Variants in GPC4 observed in about 807,000 individuals in gnomAD.
GPC4 encodes the protein glypican-4.
Under a neutral mutation model 35.0 loss-of-function variants are expected in GPC4, and 10 were observed. The ratio of observed to expected loss-of-function variants is 0.29; its 90% CI spans 0.18 to 0.48. GPC4 has a LOEUF of 0.48. Among genes scored for constraint, GPC4 ranks in the 20% least tolerant of loss-of-function variants. The pLI is 0.99. For missense variants in GPC4, 322 were observed against 451.3 expected (o/e 0.71, Z 2.60); for synonymous variants, 167 against 170.2 (o/e 0.98, Z 0.15).
At chrX:133,411,508 T>C (rs1028514052) in intron 1 of GPC4, among the ~76,000 whole-genome samples, 3 of 112,031 alleles carry the variant, frequency 2.7e-5, no homozygotes, top group Non-Finnish European at 5.6e-5. Context: ...TCTATAGTAT[T>C]AGAGTCCTAA....
intron 1 of GPC4, among the ~76,000 whole-genome samples, chrX:133,382,375 A>G (rs376755661): frequency 0.015 from 979 of 64,473 alleles, no homozygotes; most frequent in Middle Eastern, 0.1. Flanking sequence ...GCAGTGAGCT[A>G]AGATCGTGCC....
intron 6 of GPC4, 126 bp downstream of exon 6, chrX:133,305,646 C>T: frequency 1.1e-6 from 1 of 880,409 alleles, no homozygotes; most frequent in Non-Finnish European, 1.6e-6. Context: ...ACATCCACAT[C>T]CTATTTGCTT....
At chrX:133,386,954 T>C (rs747172181) in intron 1 of GPC4, among the ~76,000 whole-genome samples, 2 of 111,432 alleles carry the variant, frequency 1.8e-5, no homozygotes, top group African/African-American at 6.5e-5. Context: ...CCATAGTCCC[T>C]CCCTCTGAGT....
chrX:133,387,153 A>G (rs754910838), intron 1 of GPC4, among the ~76,000 whole-genome samples: 3 of 112,316 alleles, frequency 2.7e-5, no homozygotes, highest in Non-Finnish European at 5.6e-5. Context: ...ACTTGGCTAT[A>G]GCATATCAGC....
At chrX:133,408,298 G>GT (rs937062686) in intron 1 of GPC4, among the ~76,000 whole-genome samples, 6 of 112,197 alleles carry the variant, frequency 5.3e-5, no homozygotes, top group Non-Finnish European at 9.4e-5. Flanking sequence ...ATAAACTTGA[G>GT]TTTTTTTATG....
chrX:133,385,969 G>C (rs751205606), intron 1 of GPC4, among the ~76,000 whole-genome samples: 1 of 109,869 alleles, frequency 9.1e-6, no homozygotes, highest in South Asian at 4.0e-4. Flanking sequence ...CTATGTGGGG[G>C]CCTAGGGAGG....
intron 3 of GPC4, among the ~76,000 whole-genome samples, chrX:133,316,312 C>T (rs1396344718): frequency 1.8e-5 from 2 of 111,879 alleles, no homozygotes; most frequent in Admixed American, 9.5e-5. Flanking sequence ...TTAAGGGACT[C>T]ACACAAGGTC....
At chrX:133,361,870 A>G (rs1341920945) in intron 1 of GPC4, among the ~76,000 whole-genome samples, 2 of 111,617 alleles carry the variant, frequency 1.8e-5, no homozygotes, top group Non-Finnish European at 3.8e-5. Flanking sequence ...TGAGTAAGAA[A>G]AAAACTCCAA....
At chrX:133,405,499 A>C (rs1327406179) in intron 1 of GPC4, among the ~76,000 whole-genome samples, 1 of 112,183 alleles carries the variant, frequency 8.9e-6, no homozygotes, top group Non-Finnish European at 1.9e-5. Flanking sequence ...AGTGCCCTCG[A>C]TGATTATGGT....
chrX:133,407,119 C>T (rs1006486689), intron 1 of GPC4, among the ~76,000 whole-genome samples: 1 of 110,582 alleles, frequency 9.0e-6, no homozygotes, highest in Non-Finnish European at 1.9e-5. Flanking sequence ...TTCATCCATC[C>T]ATCCATCCAT....
At chrX:133,329,403 A>T (rs763055584) in intron 2 of GPC4, among the ~76,000 whole-genome samples, 5 of 112,001 alleles carry the variant, frequency 4.5e-5, no homozygotes, top group Non-Finnish European at 9.4e-5. Flanking sequence ...AACATTATCC[A>T]TCTGAGGGGA....
chrX:133,406,492 G>A (rs768274656), intron 1 of GPC4, among the ~76,000 whole-genome samples: 7 of 112,125 alleles, frequency 6.2e-5, no homozygotes, highest in African/African-American at 2.3e-4. Flanking sequence ...GCTCACGCCT[G>A]TAATCCCAGC....
At chrX:133,305,203 T>C (rs2068285602) in intron 6 of GPC4, among the ~76,000 whole-genome samples, 1 of 111,840 alleles carries the variant, frequency 8.9e-6, no homozygotes. Context: ...GCATGTATAT[T>C]ATGCACTCTG....
At chrX:133,414,687 T>C (rs145353971) in intron 1 of GPC4, 119 bp downstream of exon 1, 1 of 1,149,908 alleles carries the variant, frequency 8.7e-7, no homozygotes, top group Non-Finnish European at 1.2e-6. Context: ...CGACTGCCCA[T>C]TTCTCCCTCT....
chrX:133,304,677 A>T, intron 7 of GPC4, 48 bp downstream of exon 7: 1 of 1,196,618 alleles, frequency 8.4e-7, no homozygotes, highest in Non-Finnish European at 1.1e-6. Context: ...AAGGTCACCC[A>T]GGCATCTAGG....
intron 1 of GPC4, among the ~76,000 whole-genome samples, chrX:133,344,191 GTTTTTTTTTTTTTTTTTT>G (rs747976050): frequency 5.1e-5 from 2 of 38,883 alleles, no homozygotes; most frequent in Non-Finnish European, 1.0e-4. Flanking sequence ...TTTCTTTCTG[GTTTTTTTTTTTTTTTTTT>G]TTTTTTTTTT....
chrX:133,322,538 C>T (rs1454595817), intron 3 of GPC4, among the ~76,000 whole-genome samples: 4 of 96,510 alleles, frequency 4.1e-5, no homozygotes, highest in African/African-American at 1.7e-4. Context: ...CAAGCCTGGG[C>T]GACAGAGTGA....
At chrX:133,413,713 C>A (rs1184023815) in intron 1 of GPC4, among the ~76,000 whole-genome samples, 1 of 111,775 alleles carries the variant, frequency 8.9e-6, no homozygotes, top group African/African-American at 3.2e-5. Flanking sequence ...GCTTTCTGAG[C>A]CCCCAGGGCG....
At chrX:133,316,446 G>A (rs2068338716) in intron 3 of GPC4, among the ~76,000 whole-genome samples, 1 of 111,394 alleles carries the variant, frequency 9.0e-6, no homozygotes, top group South Asian at 3.8e-4. Flanking sequence ...GAACCTTGAT[G>A]GCAGTACATA....
Sources: allele counts gnomAD v4.1 joint callset (sites outside exome capture counted in the v4.1 genomes callset), GRCh38; gene constraint gnomAD v4.1.1; transcripts MANE v1.5; gene names NCBI Gene and HGNC (gene_info 2026-07-23, HGNC 2026-07-21).